GNPNAT1: variants seen among roughly 807,000 people sequenced by gnomAD.
GNPNAT1 encodes the protein glucosamine-phosphate N-acetyltransferase 1.
GNPNAT1 carries 11 observed loss-of-function variants against 19.8 expected under a neutral mutation model. The ratio of observed to expected loss-of-function variants is 0.56; its 90% CI spans 0.35 to 0.92. The LOEUF (loss-of-function observed/expected upper bound fraction) is 0.92. Among genes scored for constraint, GNPNAT1 ranks in the 40% least tolerant of loss-of-function variants. The pLI, the probability that GNPNAT1 is intolerant of heterozygous loss-of-function variation, is 0.01. For missense variants in GNPNAT1, 157 were observed against 211.0 expected (o/e 0.74, Z 1.59); for synonymous variants, 71 against 72.3 (o/e 0.98, Z 0.09).
In GNPNAT1 at chr14:52,777,947, G is replaced by A. The variant is rs1487265245; in HGVS notation, c.*364C>T. The A allele has an allele frequency of 6.4e-6, 1 of 156,192 alleles. No individual in the cohort carries two copies. The highest frequency in any genetic ancestry group is 6.5e-5 in the Admixed American group (1 of 15,370). 9.7% of individuals were successfully genotyped at this position (156,192 alleles called of 1,614,324 possible). A position where few individuals can be genotyped will look rare whatever the true frequency, so the allele number is the denominator to read the frequency against. ...CATGTGATAAACAGCCTTATTCAAT[G>A]TATACTTTTTTTAAATGAGCAACAC... On this transcript the variant is annotated 3_prime_UTR_variant, in exon 6 of 6. Transcript: ENST00000216410.
intron 1 of GNPNAT1, among the ~76,000 whole-genome samples, chr14:52,788,794 T>C (rs1883082305): frequency 6.6e-6 from 1 of 152,070 alleles, no homozygotes; most frequent in African/African-American, 2.4e-5. Context: ...CTAGAAAACA[T>C]GAAAAATAGG....
At chr14:52,789,506 A>T (rs1195209457) in intron 1 of GNPNAT1, among the ~76,000 whole-genome samples, 2 of 152,054 alleles carry the variant, frequency 1.3e-5, no homozygotes, top group African/African-American at 2.4e-5. Flanking sequence ...AACATCAAAA[A>T]TTTTTTTATG....
rs1176007553 is a variant in GNPNAT1, at chr14:52,788,868, A to ATG, written c.-15+2559_-15+2560insCA. Among the ~76,000 whole-genome samples, 103 of 152,218 alleles carry ATG rather than the reference A, an allele frequency of 6.8e-4. 1 individual carries two copies. The highest frequency in any genetic ancestry group is 1.3e-3 in the Non-Finnish European group (86 of 68,028). On this transcript the variant is annotated intron_variant, in intron 1 of 5. Transcript: ENST00000216410. ...AACAACTAGGATTATGAAGCCCTTA[A>ATG]ATAATGAATTTTAACCAGGAAATAC... is the stretch of plus-strand genomic sequence containing the variant.
At position 52,784,597 on chromosome 14, in the gene GNPNAT1, G is replaced by A. The variant is rs750349113; in HGVS notation, c.54C>T (p.Asp18=). The A allele has an allele frequency of 6.2e-7, 1 of 1,603,188 alleles. No homozygotes were observed. The highest frequency in any genetic ancestry group is 8.5e-7 in the Non-Finnish European group (1 of 1,173,358). The part of the protein sequence containing the change: ...MFDPSLLKEV[D]WSQNTATFSP... ...AAAATGTAGCTGTATTCTGACTCCA[G>A]TCCACTTCTTTGAGTAGACTTGGGT... The change falls in exon 2 of 6, where the codon GAC becomes GAT. Residue 18 remains aspartate, a synonymous_variant. Coordinates refer to ENST00000216410, the MANE Select transcript of GNPNAT1 (RefSeq NM_198066.4).
rs117160604 is a variant in GNPNAT1, at chr14:52,788,232, T to A, written c.-15+3196A>T. On this transcript the variant is annotated intron_variant, in intron 1 of 5. Transcript: ENST00000216410. ...AACTCCTGGGCTCAAGTGATCCTCC[T>A]ACCTCAGCTTCCCACATCAGCCTCC... 7.3e-3 allele frequency among the ~76,000 whole-genome samples: 1,106 copies of A among 152,134 alleles called. 50 individuals are homozygous for A. The East Asian group carries it at 0.086, about 12-fold the overall frequency.
At chr14:52,788,621 C>T (rs976791041) in intron 1 of GNPNAT1, among the ~76,000 whole-genome samples, 11 of 152,256 alleles carry the variant, frequency 7.2e-5, no homozygotes, top group Admixed American at 3.9e-4. Context: ...GTAAATTCCT[C>T]GAGGCAGCAC....
At chr14:52,784,165 A>G (rs1164586609) in intron 2 of GNPNAT1, among the ~76,000 whole-genome samples, 1 of 152,206 alleles carries the variant, frequency 6.6e-6, no homozygotes, top group Non-Finnish European at 1.5e-5. Context: ...ATCCAAGGAA[A>G]ATTATTTCCA....
At chr14:52,783,618 GAATA>G in intron 2 of GNPNAT1, 133 bp from the exon 3 acceptor site, 2 of 625,036 alleles carry the variant, frequency 3.2e-6, no homozygotes, top group Non-Finnish European at 5.7e-6. Flanking sequence ...TTAATTATTA[GAATA>G]AAGTGAACCC....
Position 52,791,227 on chromosome 14 carries a change from T to A in GNPNAT1, c.-15+201A>T, listed in dbSNP as rs1427042533. The stretch of plus-strand genomic sequence containing the variant: ...CCTTAACCTCTGCTCCAGGCGCGCG[T>A]GCGTTCAACTTCCTGGGAACCGCGC... On this transcript the variant is annotated intron_variant, in intron 1 of 5. Transcript: ENST00000216410. The surrounding 1 kb of genome is among the most constrained non-coding windows in gnomAD (Gnocchi z 4.1). Among the ~76,000 whole-genome samples, 5 of 152,118 alleles carry A rather than the reference T, an allele frequency of 3.3e-5. No homozygotes were observed. The East Asian group carries it at 9.7e-4, about 30-fold the overall frequency.
At position 52,775,815 on chromosome 14, in the gene GNPNAT1, G is replaced by A. The variant is rs1378700696; in HGVS notation, c.*2496C>T. On this transcript the variant is annotated 3_prime_UTR_variant, in exon 6 of 6. Coordinates refer to ENST00000216410, the MANE Select transcript of GNPNAT1 (RefSeq NM_198066.4). ...GAGGGATGGCTTGAACCCAGGAACT[G>A]GAGGATGCAGTGAGCTATGATCACA... The A allele has an allele frequency of 1.3e-5, 2 of 152,366 alleles. No homozygotes were observed. The highest frequency in any genetic ancestry group is 6.6e-5 in the Admixed American group (1 of 15,264). 9.4% of individuals were successfully genotyped at this position (152,366 alleles called of 1,614,324 possible).
At chr14:52,789,772 G>A (rs927498997) in intron 1 of GNPNAT1, among the ~76,000 whole-genome samples, 2 of 152,014 alleles carry the variant, frequency 1.3e-5, no homozygotes, top group Admixed American at 6.6e-5. Flanking sequence ...TGTGTGAAGC[G>A]GAATCTCATC....
chr14:52,783,249 C>T (rs1882935548), intron 3 of GNPNAT1, among the ~76,000 whole-genome samples, 174 bp downstream of exon 3: 1 of 152,078 alleles, frequency 6.6e-6, no homozygotes. Context: ...GTTACTGGTA[C>T]ATTTGGATTC....
rs118024693 is a variant in GNPNAT1 at position 52,788,264 on chromosome 14, G to C, written c.-15+3164C>G. Among the ~76,000 whole-genome samples the C allele has an allele frequency of 1.1e-4, 16 of 152,136 alleles. 2 individuals are homozygous for C. The East Asian group carries it at 3.1e-3, about 30-fold the overall frequency. ...GCTTCCCACATCAGCCTCCAGAGTA[G>C]TTGTGACTACAGGCTCATACCACCA... On this transcript the variant is annotated intron_variant, in intron 1 of 5. Transcript: ENST00000216410.
chr14:52,780,849 C>T lies in GNPNAT1; in HGVS notation c.346-109G>A, dbSNP rs1882878211. The T allele has an allele frequency of 9.2e-6, 6 of 653,416 alleles. No homozygotes were observed. The East Asian group carries it at 1.6e-4, about 17-fold the overall frequency. 40.5% of individuals were successfully genotyped at this position (653,416 alleles called of 1,614,324 possible). On this transcript the variant is annotated intron_variant, in intron 4 of 5. Coordinates refer to ENST00000216410, the MANE Select transcript of GNPNAT1 (RefSeq NM_198066.4). ...AAGTAGTATATTTTGTAAACTTGAA[C>T]TTAACAGAAATCAAATGCAAAAAAT... is the stretch of plus-strand genomic sequence containing the variant.
chr14:52,786,697 G>A (rs1362147946), intron 1 of GNPNAT1, among the ~76,000 whole-genome samples: 2 of 151,812 alleles, frequency 1.3e-5, no homozygotes, highest in African/African-American at 2.4e-5. Context: ...GAGAAGTAAC[G>A]ATAGGAAGGA....
chr14:52,789,191 T>G (rs1883092433), intron 1 of GNPNAT1, among the ~76,000 whole-genome samples: 1 of 152,230 alleles, frequency 6.6e-6, no homozygotes, highest in Admixed American at 6.5e-5. Context: ...TTTGATACCC[T>G]GCTGCCACTG....
chr14:52,777,094 A>G lies in GNPNAT1; in HGVS notation c.*1217T>C, dbSNP rs1268610617. The G allele has an allele frequency of 2.6e-5, 4 of 152,296 alleles. No individual in the cohort carries two copies. The highest frequency in any genetic ancestry group is 9.6e-5 in the African/African-American group (4 of 41,452). The allele number at this position is 152,296 out of a possible 1,614,324, so 9.4% of individuals were successfully genotyped here. ...CTGGCTGCATGGAGGGAAATCCAAAATCCAGATGACGTGGTGTGAGTCAAT... is the reference window on the plus strand; with the variant it reads ...CTGGCTGCATGGAGGGAAATCCAAAGTCCAGATGACGTGGTGTGAGTCAAT... On this transcript the variant is annotated 3_prime_UTR_variant, in exon 6 of 6. Transcript: ENST00000216410.
rs1882783727 is a variant in GNPNAT1 at position 52,778,176 on chromosome 14, A to G, written c.*135T>C. ...CCAAAGTAATCTTCTAAATGTCATT[A>G]TACTTGTAGTATTACAATGTTTTTT... On this transcript the variant is annotated 3_prime_UTR_variant, in exon 6 of 6. Transcript: ENST00000216410. 1.8e-6 allele frequency: 1 copy of G among 555,302 alleles called. No homozygotes were observed. 34.4% of individuals were successfully genotyped at this position (555,302 alleles called of 1,614,324 possible).
intron 5 of GNPNAT1, among the ~76,000 whole-genome samples, chr14:52,779,724 T>C (rs1373912334): frequency 2.6e-5 from 1 of 38,210 alleles, no homozygotes; most frequent in Non-Finnish European, 4.2e-5. Flanking sequence ...TCCCATCTCT[T>C]AAAAAAAAAA....
Sources: gnomAD v4.1 joint callset for allele counts (sites outside exome capture counted in the v4.1 genomes callset) on GRCh38, gnomAD v4.1.1 for gene constraint, Gnocchi (gnomAD v3.1) non-coding constraint, MANE v1.5 for transcripts, NCBI Gene and HGNC (gene_info 2026-07-23, HGNC 2026-07-21) for gene names.